Variants in FNDC7 observed in about 807,000 individuals in gnomAD.
FNDC7 encodes fibronectin type III domain containing 7.
In FNDC7, 66 loss-of-function variants were observed where a neutral mutation model predicts 74.2. The observed-to-expected ratio is 0.89, with a 90% CI of 0.73 to 1.09. The LOEUF is 1.09. FNDC7 is among the 50% of genes least tolerant of loss of function. FNDC7 has a pLI of 0.00. For missense variants in FNDC7, 829 were observed against 893.4 expected (o/e 0.93, Z 0.92); for synonymous variants, 307 against 330.2 (o/e 0.93, Z 0.76).
rs1557785011 is a variant in FNDC7 at position 108,712,955 on chromosome 1, T to A, written c.22T>A (p.Cys8Ser). Residue 8 changes from cysteine (C) to serine (S), a missense_variant, in exon 1 of 13, where the codon TGT becomes AGT. Cys to Ser is a moderately radical substitution (Grantham distance 112). Coordinates refer to ENST00000370017, the MANE Select transcript of FNDC7 (RefSeq NM_001144937.3). Reference protein sequence around the residue: MAGGRETCLPLIGFILIC... With the variant: MAGGRETSLPLIGFILIC... ...CAGGATGGCTGGTGGACGAGAGACATGTTTGCCTTTGATTGGATTCATTCT... is the reference window on the plus strand; with the variant it reads ...CAGGATGGCTGGTGGACGAGAGACAAGTTTGCCTTTGATTGGATTCATTCT... 4 of 1,551,600 alleles carry A rather than the reference T, an allele frequency of 2.6e-6. No homozygotes were observed. Among genetic ancestry groups the A allele is most frequent in the Non-Finnish European group, 3.5e-6 (4 of 1,146,994 alleles).
intron 1 of FNDC7, 68 bp downstream of exon 1, chr1:108,713,064 C>A: frequency 7.0e-7 from 1 of 1,428,176 alleles, no homozygotes; most frequent in South Asian, 1.3e-5. Context: ...ATTTTTCTCT[C>A]CTTTTTTTTT....
chr1:108,738,195 A>G (rs1165477357), intron 11 of FNDC7, among the ~76,000 whole-genome samples: 1 of 152,222 alleles, frequency 6.6e-6, no homozygotes, highest in Admixed American at 6.5e-5. Flanking sequence ...AACGGCCTGC[A>G]GAGAGCTACG....
chr1:108,718,692 T>C (rs1661028494), intron 3 of FNDC7, 97 bp from the exon 4 acceptor site: 3 of 1,278,064 alleles, frequency 2.3e-6, no homozygotes, highest in Admixed American at 2.6e-5. Context: ...AGCAAATAAT[T>C]ATTGTATATT....
chr1:108,725,857 A>C lies in FNDC7; in HGVS notation c.964A>C (p.Ser322Arg), dbSNP rs778182588. Residue 322 changes from serine to arginine, a missense_variant, in exon 6 of 13, where the codon AGT (serine) becomes CGT (arginine). Coordinates refer to ENST00000370017, the MANE Select transcript of FNDC7 (RefSeq NM_001144937.3). ...TGACTACTATGTGGTCTTTGTGAAG[A>C]GTGATGATGGCTTGGAAGTACACTG... ...LGDYYVVFVK[S>R]DDGLEVHCNT... The C allele has an allele frequency of 6.2e-7, 1 of 1,614,052 alleles. No homozygotes were observed. The highest frequency in any genetic ancestry group is 8.5e-7 in the Non-Finnish European group (1 of 1,180,020).
Position 108,719,065 on chromosome 1 carries a change from C to A in FNDC7, c.598+16C>A. ...CAGAGAACAAGTAAGAACTTCTCAG[C>A]TCAGCCTCGAACAATTCTACTTTTG... On this transcript the variant is annotated intron_variant, in intron 4 of 12. Transcript: ENST00000370017. 6.4e-7 allele frequency: 1 copy of A among 1,551,382 alleles called. No homozygotes were observed. The highest frequency in any genetic ancestry group is 1.2e-5 in the South Asian group (1 of 84,058).
intron 8 of FNDC7, 65 bp from the exon 9 acceptor site, chr1:108,730,608 TC>T: frequency 6.8e-7 from 1 of 1,479,496 alleles, no homozygotes; most frequent in Admixed American, 2.3e-5. Context: ...CCATTCTTTA[TC>T]ATTTTTCACA....
In FNDC7 at chr1:108,727,812, C is replaced by T; in HGVS notation, c.1116C>T (p.Pro372=). 1 of 1,614,114 alleles carries T rather than the reference C, an allele frequency of 6.2e-7. No homozygotes were observed. The highest frequency in any genetic ancestry group is 8.5e-7 in the Non-Finnish European group (1 of 1,180,022). The part of the protein sequence containing the change: ...LGDIFNYTTA[P]CCPSDINPVL... Reference sequence around the variant, plus strand: ...TCCCTCTGCTCCTGCTTTCAGCTCCCTGTTGTCCTAGTGACATTAACCCCG... The same window carrying T: ...TCCCTCTGCTCCTGCTTTCAGCTCCTTGTTGTCCTAGTGACATTAACCCCG... Residue 372 remains proline (P), a synonymous_variant, in exon 7 of 13, where the codon CCC becomes CCT. Coordinates refer to ENST00000370017, the MANE Select transcript of FNDC7 (RefSeq NM_001144937.3).
chr1:108,729,307 T>C (rs771353221), intron 8 of FNDC7, among the ~76,000 whole-genome samples: 5 of 152,208 alleles, frequency 3.3e-5, no homozygotes, highest in Non-Finnish European at 7.3e-5. Flanking sequence ...CCCAGCACTT[T>C]GGGAGGCCGA....
rs1452616155 is a variant in FNDC7, at chr1:108,737,582, G to T, written c.2170+58G>T. 7 of 1,391,286 alleles carry T rather than the reference G, an allele frequency of 5.0e-6. No homozygotes were observed. In the African/African-American group the frequency reaches 7.4e-5, roughly 15 times the overall value. 86.2% of individuals were successfully genotyped at this position (1,391,286 alleles called of 1,614,324 possible). On this transcript the variant is annotated intron_variant, in intron 11 of 12. Transcript: ENST00000370017. ...AGGATTTTTGTTGCTCCATTTTGGG[G>T]TTAATGAAGTCAGCTGACTTTTCAA... is the stretch of plus-strand genomic sequence containing the variant.
At chr1:108,730,202 C>A (rs1661311333) in intron 8 of FNDC7, among the ~76,000 whole-genome samples, 1 of 151,850 alleles carries the variant, frequency 6.6e-6, no homozygotes, top group South Asian at 2.1e-4. Context: ...CATGGTGAAA[C>A]CCCATCTCTA....
chr1:108,738,187 C>T (rs550605885), intron 11 of FNDC7, among the ~76,000 whole-genome samples: 7 of 152,286 alleles, frequency 4.6e-5, no homozygotes, highest in South Asian at 2.1e-4. Context: ...AATCTGTTAA[C>T]GGCCTGCAGA....
chr1:108,715,667 G>GCT, intron 2 of FNDC7, among the ~76,000 whole-genome samples: 1 of 111,818 alleles, frequency 8.9e-6, no homozygotes, highest in African/African-American at 2.9e-5. Flanking sequence ...GTGCGTGCGC[G>GCT]CGCGCACACA....
intron 10 of FNDC7, 41 bp downstream of exon 10, chr1:108,733,573 A>G (rs2101088564): frequency 6.3e-7 from 1 of 1,581,858 alleles, no homozygotes; most frequent in Admixed American, 1.7e-5. Flanking sequence ...CTAACCCTGA[A>G]CTCATATCTG....
chr1:108,736,799 TTTTG>T (rs1661525334), intron 10 of FNDC7, among the ~76,000 whole-genome samples: 1 of 152,132 alleles, frequency 6.6e-6, no homozygotes, highest in Non-Finnish European at 1.5e-5. Flanking sequence ...TGTTTTTTGG[TTTTG>T]TTTGTTTGCA....
chr1:108,721,525 C>A (rs1239013496), intron 4 of FNDC7, among the ~76,000 whole-genome samples: 1 of 152,174 alleles, frequency 6.6e-6, no homozygotes, highest in East Asian at 1.9e-4. Flanking sequence ...CCAGAGGATG[C>A]TGGTCTCTGC....
intron 6 of FNDC7, among the ~76,000 whole-genome samples, chr1:108,727,194 A>G (rs981423418): frequency 6.6e-6 from 1 of 152,146 alleles, no homozygotes; most frequent in African/African-American, 2.4e-5. Flanking sequence ...ACGTGGTGGC[A>G]TGTGCCTGTA....
chr1:108,737,775 T>C (rs1214579638), intron 11 of FNDC7, among the ~76,000 whole-genome samples: 1 of 152,200 alleles, frequency 6.6e-6, no homozygotes, highest in Non-Finnish European at 1.5e-5. Context: ...AAAATGTAAA[T>C]AGTTTTGGGA....
chr1:108,731,066 G>C, intron 9 of FNDC7, 138 bp downstream of exon 9: 1 of 1,076,596 alleles, frequency 9.3e-7, no homozygotes, highest in South Asian at 1.7e-5. Context: ...TTCTAAAATG[G>C]TTATAGTTTC....
chr1:108,726,096 C>A, intron 6 of FNDC7, 92 bp downstream of exon 6: 2 of 1,424,424 alleles, frequency 1.4e-6, no homozygotes, highest in Non-Finnish European at 1.9e-6. Context: ...GACTTACCAC[C>A]TGGGAGTCAT....
Sources: gnomAD v4.1 joint callset for allele counts (sites outside exome capture counted in the v4.1 genomes callset) on GRCh38, gnomAD v4.1.1 for gene constraint, MANE v1.5 for transcripts, NCBI Gene and HGNC (gene_info 2026-07-23, HGNC 2026-07-21) for gene names.